The following SNAPC4 variants were observed in gnomAD, a reference collection of about 807,000 sequenced individuals.
The protein encoded by SNAPC4 is small nuclear RNA activating complex polypeptide 4, also known as snRNA-activating protein complex subunit 4.
Under a neutral mutation model 151.3 loss-of-function variants are expected in SNAPC4, and 127 were observed. The observed-to-expected ratio is 0.84, with a 90% confidence interval of 0.73 to 0.97. The LOEUF (loss-of-function observed/expected upper bound fraction) is 0.97, where lower values mean the gene tolerates loss of function less well. Among genes scored for constraint, SNAPC4 ranks in the 50% least tolerant of loss-of-function variants. SNAPC4 has a pLI of 0.00. For missense variants in SNAPC4, 2,186 were observed against 1,935.0 expected (o/e 1.13, Z -2.43); for synonymous variants, 1,002 against 824.4 (o/e 1.22, Z -3.69).
rs774270004 is a variant in SNAPC4 at position 136,381,905 on chromosome 9, G to C, written c.2236C>G (p.Leu746Val). 3.7e-6 allele frequency: 6 copies of C among 1,612,862 alleles called. No individual in the cohort carries two copies. In the East Asian group the frequency reaches 1.3e-4, roughly 36 times the overall value. Residue 746 changes from leucine to valine, a missense_variant, in exon 18 of 24, where the codon CTG becomes GTG. Transcript: ENST00000684778. ...HRRLLNRRLL[L>V]AVTPWVGDVV... Reference sequence around the variant, plus strand: ...TCCCCTACCCAAGGGGTCACAGCCAGCAGCAGCCTGCGGTTCAGGAGCCTC... The same window carrying C: ...TCCCCTACCCAAGGGGTCACAGCCACCAGCAGCCTGCGGTTCAGGAGCCTC...
At chr9:136,380,449 A>G (rs1833646584) in intron 20 of SNAPC4, among the ~76,000 whole-genome samples, 2 of 152,160 alleles carry the variant, frequency 1.3e-5, no homozygotes, top group Non-Finnish European at 2.9e-5. Context: ...TGGTTTCTGG[A>G]GCAGAAAGGC....
In SNAPC4 at chr9:136,378,568, G is replaced by A; in HGVS notation, c.3259C>T (p.Pro1087Ser). 6.3e-7 allele frequency: 1 copy of A among 1,591,658 alleles called. No individual in the cohort carries two copies. Among genetic ancestry groups the A allele is most frequent in the Middle Eastern group, 1.7e-4 (1 of 5,916 alleles). ...CTCACCACAGCTGGTACAGGAACAG[G>A]GAGAAGCCCCTGGGCTGTGAGCACC... ...TWVLTAQGLL[P>S]VPVPAVVSLP... Residue 1087 changes from proline to serine, a missense_variant, in exon 22 of 24, where the codon CCT becomes TCT. Transcript: ENST00000684778.
In SNAPC4 at chr9:136,383,876, C is replaced by T. The variant is rs994021533; in HGVS notation, c.1500+77G>A. On this transcript the variant is annotated intron_variant, in intron 15 of 23. Transcript: ENST00000684778. This position sits in a 1 kb window ranked among gnomAD's most constrained non-coding sequence, Gnocchi z 4.2. ...GAAACCGAACGCCCCCCTCCCCTCC[C>T]CTCCTCCTGCCTGCTGGACCCCCCA... 7.1e-7 allele frequency: 1 copy of T among 1,406,046 alleles called. No individual in the cohort carries two copies. The highest frequency in any genetic ancestry group is 1.0e-6 in the Non-Finnish European group (1 of 996,700). 87.1% of individuals were successfully genotyped at this position (1,406,046 alleles called of 1,614,324 possible). A position where few individuals can be genotyped will look rare whatever the true frequency, so the allele number is the denominator to read the frequency against.
intron 7 of SNAPC4, 21 bp downstream of exon 7, chr9:136,394,228 G>A (rs756898670): frequency 3.2e-6 from 5 of 1,579,080 alleles, no homozygotes; most frequent in South Asian, 1.1e-5. Context: ...GACCGTTTTT[G>A]ACTTATGGTT....
intron 3 of SNAPC4, 94 bp from the exon 4 acceptor site, chr9:136,395,864 A>C (rs1834251760): frequency 5.5e-6 from 7 of 1,275,570 alleles, no homozygotes; most frequent in Non-Finnish European, 7.7e-6. Flanking sequence ...CCTCTGGGAC[A>C]CCGAGGCAGC....
chr9:136,387,641 C>T (rs1251072718), intron 12 of SNAPC4, 62 bp from the exon 13 acceptor site: 5 of 1,436,792 alleles, frequency 3.5e-6, no homozygotes, highest in Admixed American at 1.7e-5. Flanking sequence ...CCTCCCCACC[C>T]TGAACCCAGT....
rs752937507 is a variant in SNAPC4, at chr9:136,380,839, G to A, written c.2400C>T (p.Ile800=). ...CGACCTCCAAGCAGCCGGCAGTATC[G>A]ATGTGGAACAGCTGCGGGACACAGG... ...VFTLFTQLFH[I]DTAGCLEVVR... The change falls in exon 20 of 24, where the codon ATC becomes ATT. Residue 800 remains isoleucine (I), a synonymous_variant. Coordinates refer to ENST00000684778, the MANE Select transcript of SNAPC4 (RefSeq NM_003086.4). The A allele has an allele frequency of 8.1e-6, 13 of 1,602,648 alleles. No individual in the cohort carries two copies. Among genetic ancestry groups the A allele is most frequent in the Middle Eastern group, 1.6e-4 (1 of 6,068 alleles).
chr9:136,396,449 C>T (rs1476803008), intron 3 of SNAPC4, among the ~76,000 whole-genome samples: 1 of 152,210 alleles, frequency 6.6e-6, no homozygotes, highest in Non-Finnish European at 1.5e-5. Flanking sequence ...CAGGGTCTCA[C>T]TCCATCACCC....
rs754996633 is a variant in SNAPC4, at chr9:136,398,322, C to T, written c.107G>A (p.Ser36Asn). Residue 36 changes from serine (S) to asparagine (N), a missense_variant, in exon 2 of 24, where the codon AGT (serine) becomes AAT (asparagine). By Grantham distance (46) the Ser-to-Asn change is conservative. Transcript: ENST00000684778. ...SGSHVEISESSLESDSEADSL... is the reference protein window; with the variant it reads ...SGSHVEISESNLESDSEADSL... ...ACCTGCTTCAGAATCTGACTCGAGACTTGATTCTGAGATCTCCACGTGGGA... is the reference window on the plus strand; with the variant it reads ...ACCTGCTTCAGAATCTGACTCGAGATTTGATTCTGAGATCTCCACGTGGGA... The T allele has an allele frequency of 1.2e-6, 2 of 1,612,884 alleles. No homozygotes were observed. Among genetic ancestry groups the T allele is most frequent in the Admixed American group, 3.3e-5 (2 of 59,960 alleles).
At chr9:136,398,653 G>A (rs1047750260) in intron 1 of SNAPC4, 2 of 507,386 alleles carry the variant, frequency 3.9e-6, no homozygotes, top group African/African-American at 3.8e-5. Context: ...TCTGCCAGGA[G>A]CCTAAGCCCC....
In SNAPC4 at chr9:136,383,478, T is replaced by C; in HGVS notation, c.1691A>G (p.Tyr564Cys). 6.4e-7 allele frequency: 1 copy of C among 1,566,594 alleles called. No homozygotes were observed. Among genetic ancestry groups the C allele is most frequent in the East Asian group, 2.4e-5 (1 of 41,950 alleles). Reference protein sequence around the residue: ...EGDRALLSPQYMVPDMDLWVP... With the variant: ...EGDRALLSPQCMVPDMDLWVP... ...CCACAGGTCCATGTCCGGGACCATG[T>C]ACTGTGGGGACAGCAGCGCTCTGTC... The change falls in exon 16 of 24, where the codon TAC (tyrosine) becomes TGC (cysteine). Residue 564 changes from tyrosine (Y) to cysteine (C), a missense_variant. By Grantham distance (194) the Tyr-to-Cys change is radical. Coordinates refer to ENST00000684778, the MANE Select transcript of SNAPC4 (RefSeq NM_003086.4). The surrounding 1 kb of genome is among the most constrained non-coding windows in gnomAD (Gnocchi z 4.2).
intron 6 of SNAPC4, 95 bp from the exon 7 acceptor site, chr9:136,394,425 G>T: frequency 8.8e-7 from 1 of 1,142,070 alleles, no homozygotes. Context: ...CAGTGGTGGG[G>T]GGCCCCACAG....
chr9:136,378,983 T>G lies in SNAPC4; in HGVS notation c.2844A>C (p.Leu948Phe). ...HGRPAPGPTVLNVPLSGPGAP... is the reference protein window; with the variant it reads ...HGRPAPGPTVFNVPLSGPGAP... The stretch of plus-strand genomic sequence containing the variant: ...CCCCAGGCCCAGAGAGCGGTACATT[T>G]AAGACGGTGGGACCCGGGGCTGGGC... The change falls in exon 22 of 24, where the codon TTA (leucine) becomes TTC (phenylalanine). Residue 948 changes from leucine to phenylalanine, a missense_variant. By Grantham distance (22) the Leu-to-Phe change is conservative. Coordinates refer to ENST00000684778, the MANE Select transcript of SNAPC4 (RefSeq NM_003086.4). 6.2e-7 allele frequency: 1 copy of G among 1,608,462 alleles called. No individual in the cohort carries two copies. Among genetic ancestry groups the G allele is most frequent in the Admixed American group, 1.7e-5 (1 of 59,128 alleles).
rs747827293 is a variant in SNAPC4 at position 136,381,311 on chromosome 9, A to G, written c.2388+11T>C. 1.6e-5 allele frequency: 26 copies of G among 1,609,026 alleles called. 1 individual carries two copies. In the South Asian group the frequency reaches 2.1e-4, roughly 13 times the overall value. The stretch of plus-strand genomic sequence containing the variant: ...GGCAAAGGAAAACGAAGCTCTGCCC[A>G]AGTAGCTTACCTGGGTAAACAGGGT... On this transcript the variant is annotated intron_variant, in intron 19 of 23. Transcript: ENST00000684778.
intron 23 of SNAPC4, 147 bp downstream of exon 23, chr9:136,376,202 G>A (rs1833438508): frequency 2.3e-6 from 2 of 869,018 alleles, no homozygotes; most frequent in Admixed American, 4.8e-5. Context: ...CCCCCTGGAG[G>A]GCCTCCATGA....
At position 136,383,045 on chromosome 9, in the gene SNAPC4, G is replaced by T; in HGVS notation, c.1983+141C>A. 7.4e-7 allele frequency: 1 copy of T among 1,350,060 alleles called. No individual in the cohort carries two copies. The highest frequency in any genetic ancestry group is 9.7e-7 in the Non-Finnish European group (1 of 1,028,646). 83.6% of individuals were successfully genotyped at this position (1,350,060 alleles called of 1,614,324 possible). A position where few individuals can be genotyped will look rare whatever the true frequency, so the allele number is the denominator to read the frequency against. On this transcript the variant is annotated intron_variant, in intron 16 of 23. Transcript: ENST00000684778. The surrounding 1 kb of genome is among the most constrained non-coding windows in gnomAD (Gnocchi z 4.2). ...CCAACAGTCCCCCCGACGCACAGCT[G>T]TCCAGAGCTCAGCCAGAAGTAGCAC...
chr9:136,377,982 G>T lies in SNAPC4; in HGVS notation c.3845C>A (p.Thr1282Lys). The T allele has an allele frequency of 1.2e-6, 2 of 1,604,108 alleles. No homozygotes were observed. The highest frequency in any genetic ancestry group is 1.7e-6 in the Non-Finnish European group (2 of 1,175,874). Residue 1282 changes from threonine (T) to lysine (K), a missense_variant, in exon 22 of 24, where the codon ACA (threonine) becomes AAA (lysine). Coordinates refer to ENST00000684778, the MANE Select transcript of SNAPC4 (RefSeq NM_003086.4). The part of the protein sequence containing the change: ...GLLSQEGEAA[T>K]QQWLGGQRGV... ...CCGCTGGCCCCCCAGCCACTGCTGTGTGGCCGCCTCGCCCTCCTGGGACAG... is the reference window on the plus strand; with the variant it reads ...CCGCTGGCCCCCCAGCCACTGCTGTTTGGCCGCCTCGCCCTCCTGGGACAG...
Position 136,392,076 on chromosome 9 carries a change from G to A in SNAPC4, c.841C>T (p.Arg281Trp), listed in dbSNP as rs145617474. 2.2e-5 allele frequency: 35 copies of A among 1,612,306 alleles called. No homozygotes were observed. Among genetic ancestry groups the A allele is most frequent in the African/African-American group, 5.3e-5 (4 of 74,840 alleles). Reference protein sequence around the residue: ...FEGSRSAEEIRKFWQNSEHPS... With the variant: ...FEGSRSAEEIWKFWQNSEHPS... The stretch of plus-strand genomic sequence containing the variant: ...TGCTCCGAGTTCTGCCAGAACTTCC[G>A]GATCTCCTCTGCACTGCGGCTGCCT... Residue 281 changes from arginine to tryptophan, a missense_variant, in exon 10 of 24, where the codon CGG becomes TGG. Arg to Trp is a moderately radical substitution (Grantham distance 101). Transcript: ENST00000684778.
chr9:136,380,892 G>C, intron 19 of SNAPC4, 42 bp from the exon 20 acceptor site: 1 of 1,207,208 alleles, frequency 8.3e-7, no homozygotes, highest in Non-Finnish European at 1.2e-6. Context: ...CTGCTTTCGG[G>C]AGCAGCTCCG....
Sources: gnomAD v4.1 joint callset for allele counts (sites outside exome capture counted in the v4.1 genomes callset) on GRCh38, gnomAD v4.1.1 for gene constraint, Gnocchi (gnomAD v3.1) non-coding constraint, MANE v1.5 for transcripts, NCBI Gene and HGNC (gene_info 2026-07-23, HGNC 2026-07-21) for gene names.